The following KRT7 variants were observed in gnomAD, a reference collection of about 807,000 sequenced individuals.
The protein encoded by KRT7 is keratin 7, also known as keratin, type II cytoskeletal 7.
In KRT7, 50 loss-of-function variants were observed where a neutral mutation model predicts 42.8. That is an observed-to-expected ratio of 1.17 (90% confidence interval 0.93 to 1.48). The LOEUF is 1.48. Ranked by LOEUF, KRT7 falls within the 40% of genes most tolerant of loss-of-function variation. The pLI is 0.00. For synonymous variants in KRT7, 268 were observed against 266.3 expected, an observed-to-expected ratio of 1.01 and a Z score of -0.06; for missense variants, 588 against 637.6, an observed-to-expected ratio of 0.92 and a Z score of 0.84.
At chr12:52,238,537 C>T (rs1942040456) in intron 3 of KRT7, 143 bp from the exon 4 acceptor site, 1 of 632,548 alleles carries the variant, frequency 1.6e-6, no homozygotes, top group Non-Finnish European at 2.9e-6. Context: ...TGACCATGTA[C>T]AGCAGCTGTA....
chr12:52,241,363 C>T, intron 4 of KRT7, 109 bp from the exon 5 acceptor site: 1 of 982,466 alleles, frequency 1.0e-6, no homozygotes, highest in Non-Finnish European at 1.5e-6. Context: ...GTGACTCAGC[C>T]CACTCCCAGC....
At chr12:52,237,721 C>A (rs148049200) in intron 3 of KRT7, 152 bp downstream of exon 3, 31 of 322,902 alleles carry the variant, frequency 9.6e-5, no homozygotes, top group Non-Finnish European at 1.4e-4. Context: ...CCTGTGGGTG[C>A]GTGTATGTGT....
intron 7 of KRT7, chr12:52,245,954 C>G: frequency 3.1e-6 from 1 of 319,338 alleles, no homozygotes; most frequent in South Asian, 4.9e-5. Context: ...ATTCCTTAGT[C>G]TCCAGAGGGG....
downstream of KRT7, among the ~76,000 whole-genome samples, chr12:52,251,450 C>T (rs1158133843): frequency 1.3e-5 from 2 of 152,230 alleles, no homozygotes; most frequent in Non-Finnish European, 2.9e-5. Context: ...TGCTGGGCCA[C>T]ATTCAAAGCC....
At chr12:52,237,334 A>G (rs1420755026) in intron 2 of KRT7, among the ~76,000 whole-genome samples, 175 bp from the exon 3 acceptor site, 2 of 152,108 alleles carry the variant, frequency 1.3e-5, no homozygotes, top group African/African-American at 4.8e-5. Context: ...AGCCCTAGGA[A>G]TGGCCGCGTG....
intron 5 of KRT7, 142 bp downstream of exon 5, chr12:52,241,778 C>A: frequency 3.2e-6 from 2 of 633,670 alleles, no homozygotes; most frequent in Non-Finnish European, 5.4e-6. Context: ...TGGTGCTCAG[C>A]CCTGGAGAAA....
intron 3 of KRT7, 157 bp downstream of exon 3, chr12:52,237,726 A>ATGTG (rs10546862): frequency 0.054 from 18,582 of 344,122 alleles, 227 homozygotes; most frequent in Admixed American, 0.064. Context: ...GGGTGCGTGT[A>ATGTG]TGTGTGTGTG....
At chr12:52,247,990 G>C (rs917990612) in intron 7 of KRT7, 187 bp from the exon 8 acceptor site, 21 of 625,718 alleles carry the variant, frequency 3.4e-5, no homozygotes, top group Non-Finnish European at 5.7e-5. Context: ...GGATAGAAGG[G>C]CCAAGGTGAA....
intron 8 of KRT7, 71 bp from the exon 9 acceptor site, chr12:52,248,520 G>A (rs1592397893): frequency 7.0e-7 from 1 of 1,421,298 alleles, no homozygotes; most frequent in Non-Finnish European, 9.6e-7. Flanking sequence ...GGAGGGTGGG[G>A]TGCAGTGAAG....
rs1349221648 is a variant in KRT7, at chr12:52,248,792, C to T, written c.*32C>T. 2.7e-6 allele frequency: 4 copies of T among 1,498,446 alleles called. No individual in the cohort carries two copies. The highest frequency in any genetic ancestry group is 3.6e-6 in the Non-Finnish European group (4 of 1,126,058). 92.8% of individuals were successfully genotyped at this position (1,498,446 alleles called of 1,614,324 possible). A position where few individuals can be genotyped will look rare whatever the true frequency, so the allele number is the denominator to read the frequency against. On this transcript the variant is annotated 3_prime_UTR_variant, in exon 9 of 9. Coordinates refer to ENST00000331817, the MANE Select transcript of KRT7 (RefSeq NM_005556.4). The stretch of plus-strand genomic sequence containing the variant: ...TCCCACCACTCCACTCCTCCAGCCA[C>T]CACCCACAATCACAAGAAGATTCCC...
Position 52,241,523 on chromosome 12 carries a change from A to C in KRT7, c.745A>C (p.Met249Leu), listed in dbSNP as rs758892036. 1.9e-6 allele frequency: 3 copies of C among 1,613,994 alleles called. No homozygotes were observed. In the South Asian group the frequency reaches 3.3e-5, roughly 18 times the overall value. ...QISDTSVVLS[M>L]DNSRSLDLDG... ...CTCCGACACATCTGTGGTGCTGTCC[A>C]TGGACAACAGTCGCTCCCTGGACCT... Residue 249 changes from methionine to leucine, a missense_variant, in exon 5 of 9, where the codon ATG becomes CTG. Met to Leu is a conservative substitution (Grantham distance 15). Transcript: ENST00000331817.
At chr12:52,238,614 C>A in intron 3 of KRT7, 66 bp from the exon 4 acceptor site, 1 of 968,916 alleles carries the variant, frequency 1.0e-6, no homozygotes, top group Non-Finnish European at 1.7e-6. Context: ...CTGCTTCCAC[C>A]CCTACTAAAT....
At chr12:52,253,452 G>A (rs1404278902), downstream of KRT7, 1 of 1,536,268 alleles carries the variant, frequency 6.5e-7, no homozygotes, top group Non-Finnish European at 8.9e-7. Context: ...ACACATGGCA[G>A]TCCTGCCCTG....
rs779669077 is a variant in KRT7 at position 52,233,611 on chromosome 12, C to A, written c.315C>A (p.Phe105Leu). The A allele has an allele frequency of 6.2e-6, 10 of 1,612,654 alleles. No individual in the cohort carries two copies. In the South Asian group the frequency reaches 1.1e-4, roughly 18 times the overall value. ...CCCTCAACAACAAGTTTGCCTCCTT[C>A]ATCGACAAGGTGAGCGGGACTGGAC... is the stretch of plus-strand genomic sequence containing the variant. ...IKTLNNKFAS[F>L]IDKVRFLEQQ... The change falls in exon 1 of 9, where the codon TTC becomes TTA. Residue 105 changes from phenylalanine (F) to leucine (L), a missense_variant. Phe to Leu is a conservative substitution (Grantham distance 22). Coordinates refer to ENST00000331817, the MANE Select transcript of KRT7 (RefSeq NM_005556.4).
At chr12:52,253,246 C>T (rs1277787983), downstream of KRT7, 7 of 1,610,552 alleles carry the variant, frequency 4.3e-6, no homozygotes, top group Admixed American at 5.0e-5. Context: ...CGGCTGTCAG[C>T]CTCTGGATCA....
Position 52,248,819 on chromosome 12 carries a change from C to T in KRT7, c.*59C>T. On this transcript the variant is annotated 3_prime_UTR_variant, in exon 9 of 9. Coordinates refer to ENST00000331817, the MANE Select transcript of KRT7 (RefSeq NM_005556.4). ...ACCCACAATCACAAGAAGATTCCCA[C>T]CCCTGCCTCCCATGCCTGGTCCCAA... The T allele has an allele frequency of 2.1e-6, 3 of 1,441,980 alleles. No individual in the cohort carries two copies. Among genetic ancestry groups the T allele is most frequent in the Non-Finnish European group, 2.8e-6 (3 of 1,088,348 alleles). The allele number at this position is 1,441,980 out of a possible 1,614,324, so 89.3% of individuals were successfully genotyped here. A position where few individuals can be genotyped will look rare whatever the true frequency, so the allele number is the denominator to read the frequency against.
intron 3 of KRT7, among the ~76,000 whole-genome samples, 164 bp from the exon 4 acceptor site, chr12:52,238,516 G>A (rs984896220): frequency 6.6e-6 from 1 of 152,190 alleles, no homozygotes. Context: ...AGCAGGGCAA[G>A]CTTCATGCTG....
chr12:52,249,849 C>T (rs1942235745), downstream of KRT7, among the ~76,000 whole-genome samples: 1 of 152,038 alleles, frequency 6.6e-6, no homozygotes, highest in Admixed American at 6.6e-5. Context: ...AGGGAACTTT[C>T]AAATGCTGAG....
chr12:52,237,940 G>T (rs879769585), intron 3 of KRT7, among the ~76,000 whole-genome samples: 15 of 152,230 alleles, frequency 9.9e-5, no homozygotes, highest in Non-Finnish European at 1.8e-4. Context: ...GCAATGAGCT[G>T]CCTCGAGCCA....
Sources: gnomAD v4.1 joint callset for allele counts (sites outside exome capture counted in the v4.1 genomes callset) on GRCh38, gnomAD v4.1.1 for gene constraint, MANE v1.5 for transcripts, NCBI Gene and HGNC (gene_info 2026-07-23, HGNC 2026-07-21) for gene names.